The following ETV3 variants were observed in gnomAD, a reference collection of about 807,000 sequenced individuals.
The protein encoded by ETV3 is ETS variant transcription factor 3, also known as ETS translocation variant 3.
Under a neutral mutation model 33.0 loss-of-function variants are expected in ETV3, and 8 were observed. That is an observed-to-expected ratio of 0.24 (90% CI 0.14 to 0.44). The LOEUF is 0.44. Among genes scored for constraint, ETV3 ranks in the 20% least tolerant of loss-of-function variants. ETV3 has a pLI of 1.00. For synonymous variants in ETV3, 222 were observed against 238.9 expected, an observed-to-expected ratio of 0.93 and a Z score of 0.65; for missense variants, 473 against 652.3, an observed-to-expected ratio of 0.73 and a Z score of 2.99.
Position 157,125,202 on chromosome 1 carries a change from A to G in ETV3, c.1178T>C (p.Leu393Pro), listed in dbSNP as rs898349818. 8 of 1,551,988 alleles carry G rather than the reference A, an allele frequency of 5.2e-6. No individual in the cohort carries two copies. Among genetic ancestry groups the G allele is most frequent in the African/African-American group, 1.4e-5 (1 of 72,978 alleles). Residue 393 changes from leucine to proline, a missense_variant, in exon 5 of 5, where the codon CTC becomes CCC. This residue lies in a region of ETV3 where 410 missense variants were observed against 520.2 expected (regional missense o/e 0.79). Transcript: ENST00000368192. This position sits in a 1 kb window ranked among gnomAD's most constrained non-coding sequence, Gnocchi z 4.0. ...CTCCTTCTCTCGTGCCGACTGCCTG[A>G]GGCTCTCAGGATCCTTTTCAGAGGC... ...EPASEKDPES[L>P]RQSAREKEEH...
At chr1:157,138,244 G>A (rs1270055722) in intron 1 of ETV3, 72 bp downstream of exon 1, 1 of 152,260 alleles carries the variant, frequency 6.6e-6, no homozygotes, top group African/African-American at 2.4e-5. Context: ...CCCGATTCCA[G>A]GGACGCCGTC....
chr1:157,123,700 C>G lies in ETV3; in HGVS notation c.*1141G>C, dbSNP rs915650290. On this transcript the variant is annotated 3_prime_UTR_variant, in exon 5 of 5. Coordinates refer to ENST00000368192, the MANE Select transcript of ETV3 (RefSeq NM_001145312.3). ...ATATCAAGAGGGAATGACTAAGTAT[C>G]AGCTAGAAACTTAGCCATGTCTCAA... 6.6e-6 allele frequency: 1 copy of G among 152,226 alleles called. No individual in the cohort carries two copies. The highest frequency in any genetic ancestry group is 1.5e-5 in the Non-Finnish European group (1 of 68,042). 9.4% of individuals were successfully genotyped at this position (152,226 alleles called of 1,614,324 possible).
At chr1:157,136,985 C>A (rs538992193) in intron 1 of ETV3, among the ~76,000 whole-genome samples, 6 of 152,264 alleles carry the variant, frequency 3.9e-5, no homozygotes, top group Non-Finnish European at 1.5e-5. Flanking sequence ...TTACTCTATT[C>A]AAAAAACACA....
chr1:157,125,495 A>G lies in ETV3; in HGVS notation c.885T>C (p.Pro295=). ...FTSSSCFSFN[P]EEMKHYLHSQ... The stretch of plus-strand genomic sequence containing the variant: ...AATGAAGGTAGTGTTTCATTTCCTC[A>G]GGGTTGAAGGAGAAGCAGCTGCTGC... The change falls in exon 5 of 5, where the codon CCT becomes CCC. Residue 295 remains proline (P), a synonymous_variant. Transcript: ENST00000368192. The surrounding 1 kb of genome is among the most constrained non-coding windows in gnomAD (Gnocchi z 4.0). The G allele has an allele frequency of 6.4e-7, 1 of 1,552,208 alleles. No individual in the cohort carries two copies. The highest frequency in any genetic ancestry group is 1.7e-4 in the Middle Eastern group (1 of 5,998).
In ETV3 at chr1:157,125,401, C is replaced by A. The variant is rs759341794; in HGVS notation, c.979G>T (p.Val327Phe). ...TGCATTTGGCACTGCAGTGGTGGAACCATGAGCCCTGGGTAACGGGGAAAA... is the reference window on the plus strand; with the variant it reads ...TGCATTTGGCACTGCAGTGGTGGAAACATGAGCCCTGGGTAACGGGGAAAA... Reference protein sequence around the residue: ...RTFPRYPGLMVPPLQCQMHPE... With the variant: ...RTFPRYPGLMFPPLQCQMHPE... Residue 327 changes from valine (V) to phenylalanine (F), a missense_variant, in exon 5 of 5, where the codon GTT becomes TTT. Physicochemically the swap from Val to Phe is conservative, Grantham distance 50 (BLOSUM62 -1). This residue lies in a region of ETV3 where 410 missense variants were observed against 520.2 expected (regional missense o/e 0.79). Coordinates refer to ENST00000368192, the MANE Select transcript of ETV3 (RefSeq NM_001145312.3). The surrounding 1 kb of genome is among the most constrained non-coding windows in gnomAD (Gnocchi z 4.0). The A allele has an allele frequency of 5.2e-6, 8 of 1,552,004 alleles. No homozygotes were observed. The highest frequency in any genetic ancestry group is 7.0e-6 in the Non-Finnish European group (8 of 1,147,100).
chr1:157,134,528 T>C (rs1251307347), intron 3 of ETV3, among the ~76,000 whole-genome samples: 2 of 152,370 alleles, frequency 1.3e-5, no homozygotes, highest in African/African-American at 4.8e-5. Context: ...ATTTCGATTC[T>C]ACAGTCCATT....
chr1:157,136,451 T>A (rs1161068682), intron 1 of ETV3, 86 bp from the exon 2 acceptor site: 3 of 1,247,734 alleles, frequency 2.4e-6, no homozygotes, highest in Non-Finnish European at 2.2e-6. Context: ...CTCCCCAAAC[T>A]TCCTTTCCCC....
At position 157,123,096 on chromosome 1, in the gene ETV3, T is replaced by C. The variant is rs2103196421; in HGVS notation, c.*1745A>G. The C allele has an allele frequency of 6.6e-6, 1 of 152,368 alleles. No individual in the cohort carries two copies. The highest frequency in any genetic ancestry group is 2.1e-4 in the South Asian group (1 of 4,828). The allele number at this position is 152,368 out of a possible 1,614,324, so 9.4% of individuals were successfully genotyped here. A position where few individuals can be genotyped will look rare whatever the true frequency, so the allele number is the denominator to read the frequency against. ...CAACCTTCAAATGTTACTCAGTATA[T>C]AAAGTTTGCTTAGGCTAAGGTGGAG... On this transcript the variant is annotated 3_prime_UTR_variant, in exon 5 of 5. Coordinates refer to ENST00000368192, the MANE Select transcript of ETV3 (RefSeq NM_001145312.3).
chr1:157,131,995 C>T (rs900598837), intron 4 of ETV3, among the ~76,000 whole-genome samples: 4 of 152,210 alleles, frequency 2.6e-5, no homozygotes, highest in Non-Finnish European at 4.4e-5. Context: ...GACTGAGTCT[C>T]GCTGTCGCCC....
At chr1:157,128,442 C>T (rs773412792) in intron 4 of ETV3, 17 of 326,368 alleles carry the variant, frequency 5.2e-5, no homozygotes, top group Non-Finnish European at 8.1e-5. Context: ...GAGGCAAGCA[C>T]GAGACTGGGC....
chr1:157,136,263 A>C (rs923457926), intron 2 of ETV3, 44 bp downstream of exon 2: 3 of 1,585,358 alleles, frequency 1.9e-6, no homozygotes, highest in Non-Finnish European at 2.6e-6. Context: ...GGAACCACTG[A>C]GGGAAGCTTC....
At chr1:157,131,751 C>T (rs1674973552) in intron 4 of ETV3, among the ~76,000 whole-genome samples, 1 of 152,170 alleles carries the variant, frequency 6.6e-6, no homozygotes. Flanking sequence ...ACGTAATTCA[C>T]AAAACTACTA....
intron 1 of ETV3, 111 bp from the exon 2 acceptor site, chr1:157,136,476 T>C: frequency 2.2e-6 from 2 of 915,928 alleles, no homozygotes; most frequent in Non-Finnish European, 3.3e-6. Flanking sequence ...CTTCTTTCCG[T>C]ATGCAACTCT....
At chr1:157,132,586 T>C (rs1459804381) in intron 4 of ETV3, among the ~76,000 whole-genome samples, 1 of 152,126 alleles carries the variant, frequency 6.6e-6, no homozygotes, top group East Asian at 1.9e-4. Flanking sequence ...GGTATATACA[T>C]CTAGATTCCC....
At position 157,124,360 on chromosome 1, in the gene ETV3, C is replaced by T. The variant is rs1674774927; in HGVS notation, c.*481G>A. On this transcript the variant is annotated 3_prime_UTR_variant, in exon 5 of 5. Coordinates refer to ENST00000368192, the MANE Select transcript of ETV3 (RefSeq NM_001145312.3). ...CTTCCCTGAAATAATTATAAAGAAG[C>T]ATTTCAGGCAAAATACTTAGTATTA... The T allele has an allele frequency of 6.6e-6, 1 of 152,000 alleles. No individual in the cohort carries two copies. The highest frequency in any genetic ancestry group is 2.4e-5 in the African/African-American group (1 of 41,312). The allele number at this position is 152,000 out of a possible 1,614,324, so 9.4% of individuals were successfully genotyped here.
At chr1:157,130,426 T>A (rs536993345) in intron 4 of ETV3, among the ~76,000 whole-genome samples, 31 of 152,324 alleles carry the variant, frequency 2.0e-4, no homozygotes, top group Non-Finnish European at 3.7e-4. Context: ...AAAGTTTGAA[T>A]ACCATTGCTT....
Position 157,125,058 on chromosome 1 carries a change from C to A in ETV3, c.1322G>T (p.Ser441Ile), listed in dbSNP as rs1674795551. 1 of 1,549,008 alleles carries A rather than the reference C, an allele frequency of 6.5e-7. No homozygotes were observed. Among genetic ancestry groups the A allele is most frequent in the South Asian group, 1.2e-5 (1 of 83,572 alleles). ...IWPSVPISTP[S>I]GEPLEVTEDS... ...TTCAGTCACCTCCAGAGGTTCTCCA[C>A]TTGGGGTGCTAATGGGCACAGAGGG... The change falls in exon 5 of 5, where the codon AGT (serine) becomes ATT (isoleucine). Residue 441 changes from serine (S) to isoleucine (I), a missense_variant. This residue lies in a region of ETV3 where 410 missense variants were observed against 520.2 expected (regional missense o/e 0.79). Coordinates refer to ENST00000368192, the MANE Select transcript of ETV3 (RefSeq NM_001145312.3). The surrounding 1 kb of genome is among the most constrained non-coding windows in gnomAD (Gnocchi z 4.0).
intron 1 of ETV3, 56 bp from the exon 2 acceptor site, chr1:157,136,421 C>G (rs1287893213): frequency 6.6e-7 from 1 of 1,505,992 alleles, no homozygotes; most frequent in Admixed American, 2.2e-5. Context: ...AGTATCCTCT[C>G]AAAAGTTTTC....
chr1:157,138,122 G>A (rs544071628), intron 1 of ETV3, among the ~76,000 whole-genome samples, 194 bp downstream of exon 1: 21 of 152,298 alleles, frequency 1.4e-4, no homozygotes, highest in Admixed American at 9.8e-4. Context: ...GCCACCGCAT[G>A]AACGCTGCCC....
Sources: allele counts gnomAD v4.1 joint callset (sites outside exome capture counted in the v4.1 genomes callset), GRCh38; gene constraint gnomAD v4.1.1; regional missense constraint gnomAD v4.1.1; non-coding constraint Gnocchi (gnomAD v3.1); transcripts MANE v1.5; gene names NCBI Gene and HGNC (gene_info 2026-07-23, HGNC 2026-07-21).